Variants in ARID3A observed in about 807,000 individuals in gnomAD.
ARID3A encodes AT-rich interactive domain-containing protein 3A.
ARID3A carries 11 observed loss-of-function variants against 52.7 expected under a neutral mutation model. The observed-to-expected ratio is 0.21, with a 90% CI of 0.13 to 0.35. The LOEUF is 0.35. ARID3A is among the 10% of genes least tolerant of loss of function. The pLI, the probability that ARID3A is intolerant of heterozygous loss-of-function variation, is 1.00. For missense variants in ARID3A, 721 were observed against 838.5 expected (o/e 0.86, Z 1.73); for synonymous variants, 404 against 359.4 (o/e 1.12, Z -1.40).
In ARID3A at chr19:959,451, T is replaced by C. The variant is rs922640569; in HGVS notation, c.694-641T>C. Among the ~76,000 whole-genome samples the C allele has an allele frequency of 4.6e-5, 7 of 152,066 alleles. No homozygotes were observed. Among genetic ancestry groups the C allele is most frequent in the African/African-American group, 1.4e-4 (6 of 41,402 alleles). On this transcript the variant is annotated intron_variant, in intron 3 of 8. Coordinates refer to ENST00000263620, the MANE Select transcript of ARID3A (RefSeq NM_005224.3). This position sits in a 1 kb window ranked among gnomAD's most constrained non-coding sequence, Gnocchi z 5.0. Reference sequence around the variant, plus strand: ...ACCCCACCTGGGTAACTTTTTGTTATCATAATGTAGAGATGGGGTCTCACT... The same window carrying C: ...ACCCCACCTGGGTAACTTTTTGTTACCATAATGTAGAGATGGGGTCTCACT...
At position 940,180 on chromosome 19, in the gene ARID3A, G is replaced by A. The variant is rs183096103; in HGVS notation, c.693+7438G>A. ...TGCCTCTGGGATCACTGTGACTGGA[G>A]CGTAATGTGTGGGGCCAGGGTGGCC... On this transcript the variant is annotated intron_variant, in intron 3 of 8. Coordinates refer to ENST00000263620, the MANE Select transcript of ARID3A (RefSeq NM_005224.3). 5.8e-4 allele frequency among the ~76,000 whole-genome samples: 89 copies of A among 152,296 alleles called. 1 individual carries two copies. In the East Asian group the frequency reaches 8.5e-3, roughly 15 times the overall value.
intron 3 of ARID3A, among the ~76,000 whole-genome samples, chr19:933,096 G>A (rs2037367747): frequency 6.6e-6 from 1 of 152,162 alleles, no homozygotes; most frequent in African/African-American, 2.4e-5. Flanking sequence ...AGGCCTGCGG[G>A]CGATGCGGGC....
intron 8 of ARID3A, among the ~76,000 whole-genome samples, chr19:970,680 G>C (rs2038260175): frequency 1.3e-5 from 2 of 151,812 alleles, no homozygotes; most frequent in Non-Finnish European, 2.9e-5. Context: ...TCACCATGTT[G>C]GTCAGGCTGG....
intron 1 of ARID3A, among the ~76,000 whole-genome samples, chr19:927,200 G>A (rs1423277475): frequency 6.6e-6 from 1 of 151,992 alleles, no homozygotes; most frequent in Non-Finnish European, 1.5e-5. Context: ...GTGTGGCCCA[G>A]GATCCCTCCG....
chr19:932,132 G>T (rs546944107), intron 2 of ARID3A, among the ~76,000 whole-genome samples: 2 of 152,146 alleles, frequency 1.3e-5, no homozygotes, highest in South Asian at 4.1e-4. Context: ...GAGTGCTGCC[G>T]GGATTATAGG....
chr19:969,855 A>AT (rs560871270), intron 8 of ARID3A, among the ~76,000 whole-genome samples: 26 of 149,632 alleles, frequency 1.7e-4, no homozygotes, highest in African/African-American at 5.9e-4. Context: ...CACCCAGCTA[A>AT]TTTTTTTTTG....
At chr19:946,157 C>T (rs1323103235) in intron 3 of ARID3A, among the ~76,000 whole-genome samples, 2 of 151,888 alleles carry the variant, frequency 1.3e-5, no homozygotes, top group Non-Finnish European at 2.9e-5. Flanking sequence ...ACGCCCCGGC[C>T]GCGTGGAGTG....
rs780825896 is a variant in ARID3A at position 929,837 on chromosome 19, G to A, written c.309G>A (p.Gly103=). The A allele has an allele frequency of 1.0e-5, 16 of 1,545,168 alleles. No individual in the cohort carries two copies. In the East Asian group the frequency reaches 3.7e-4, roughly 35 times the overall value. Residue 103 remains glycine, a synonymous_variant, in exon 2 of 9, where the codon GGG becomes GGA. Transcript: ENST00000263620. The surrounding 1 kb of genome is among the most constrained non-coding windows in gnomAD (Gnocchi z 6.2). ...GGGAGGGGACACCGGGCTCACCCGGGCGAGGCAGAGAAGGGCCAGGAGAGG... is the reference window on the plus strand; with the variant it reads ...GGGAGGGGACACCGGGCTCACCCGGACGAGGCAGAGAAGGGCCAGGAGAGG... The part of the protein sequence containing the change: ...AAREGTPGSP[G]RGREGPGEEH...
intron 6 of ARID3A, among the ~76,000 whole-genome samples, chr19:965,787 T>C (rs1039785719): frequency 1.3e-4 from 19 of 151,090 alleles, no homozygotes; most frequent in African/African-American, 4.6e-4. Context: ...AGGTCAGAAG[T>C]TTGAGACCAG....
At chr19:968,336 GCAA>G (rs2038205348) in intron 7 of ARID3A, 66 bp from the exon 8 acceptor site, 1 of 1,392,560 alleles carries the variant, frequency 7.2e-7, no homozygotes, top group Non-Finnish European at 9.9e-7. Context: ...TCCAGCCTGG[GCAA>G]CAGAGCAAGA....
intron 3 of ARID3A, among the ~76,000 whole-genome samples, chr19:943,556 A>T (rs1230157464): frequency 6.6e-6 from 1 of 151,862 alleles, no homozygotes; most frequent in Non-Finnish European, 1.5e-5. Context: ...TGACAGAGCG[A>T]GACTCTGTCT....
chr19:958,027 G>C (rs1204072980), intron 3 of ARID3A: 1 of 150,372 alleles, frequency 6.7e-6, no homozygotes, highest in East Asian at 2.0e-4. Flanking sequence ...GGGGAGAATT[G>C]CTTGAGCCCC....
intron 3 of ARID3A, among the ~76,000 whole-genome samples, chr19:939,406 C>T (rs754627969): frequency 7.2e-5 from 11 of 152,272 alleles, no homozygotes; most frequent in Middle Eastern, 3.4e-3. Context: ...CCTGAGCCAC[C>T]GCGCCCGGCC....
chr19:964,793 G>T lies in ARID3A; in HGVS notation c.951-40G>T. 1.3e-6 allele frequency: 2 copies of T among 1,597,096 alleles called. No individual in the cohort carries two copies. Among genetic ancestry groups the T allele is most frequent in the African/African-American group, 1.3e-5 (1 of 74,760 alleles). Reference sequence around the variant, plus strand: ...CTGAAGGCCAAAGAGAGCCGTAGGGGTGACCCGGGTGCCATCCTCTTCCCT... The same window carrying T: ...CTGAAGGCCAAAGAGAGCCGTAGGGTTGACCCGGGTGCCATCCTCTTCCCT... On this transcript the variant is annotated intron_variant, in intron 5 of 8. Transcript: ENST00000263620. This position sits in a 1 kb window ranked among gnomAD's most constrained non-coding sequence, Gnocchi z 5.7.
intron 3 of ARID3A, among the ~76,000 whole-genome samples, chr19:953,373 C>T (rs2037842906): frequency 6.6e-6 from 1 of 152,020 alleles, no homozygotes; most frequent in South Asian, 2.1e-4. Context: ...CCGGCGCCAC[C>T]ACCCGAGCCC....
chr19:951,065 G>A (rs376812650), intron 3 of ARID3A, among the ~76,000 whole-genome samples: 37 of 151,260 alleles, frequency 2.4e-4, no homozygotes, highest in African/African-American at 8.0e-4. Flanking sequence ...CAGGTGATCC[G>A]CCCGCCTCAG....
At chr19:957,833 G>T (rs2037953424) in intron 3 of ARID3A, among the ~76,000 whole-genome samples, 1 of 152,044 alleles carries the variant, frequency 6.6e-6, no homozygotes, top group Non-Finnish European at 1.5e-5. Flanking sequence ...AACAGAGTGA[G>T]ACCCTGTCTC....
At chr19:933,846 T>TA (rs1555726110) in intron 3 of ARID3A, among the ~76,000 whole-genome samples, 1 of 43,262 alleles carries the variant, frequency 2.3e-5, no homozygotes, top group Non-Finnish European at 4.8e-5. Context: ...GGGGACTCGG[T>TA]GGGGGGGGGG....
Position 929,566 on chromosome 19 carries a change from G to A in ARID3A, c.38G>A (p.Arg13Gln). The A allele has an allele frequency of 2.0e-6, 3 of 1,522,596 alleles. No individual in the cohort carries two copies. Among genetic ancestry groups the A allele is most frequent in the South Asian group, 1.2e-5 (1 of 83,560 alleles). 94.3% of individuals were successfully genotyped at this position (1,522,596 alleles called of 1,614,324 possible). ...LQAVMETLLQ[R>Q]QQRARQELEA... is the part of the protein sequence containing the mutation. ...GCCGTGATGGAGACGCTGTTGCAGC[G>A]GCAGCAGCGGGCGCGCCAGGAGCTG... Residue 13 changes from arginine (R) to glutamine (Q), a missense_variant, in exon 2 of 9, where the codon CGG becomes CAG. Physicochemically the swap from Arg to Gln is conservative, Grantham distance 43 (BLOSUM62 1). Coordinates refer to ENST00000263620, the MANE Select transcript of ARID3A (RefSeq NM_005224.3). This position sits in a 1 kb window ranked among gnomAD's most constrained non-coding sequence, Gnocchi z 6.2.
Sources: allele counts gnomAD v4.1 joint callset (sites outside exome capture counted in the v4.1 genomes callset), GRCh38; gene constraint gnomAD v4.1.1; non-coding constraint Gnocchi (gnomAD v3.1); transcripts MANE v1.5; gene names NCBI Gene and HGNC (gene_info 2026-07-23, HGNC 2026-07-21).